The following ZNF804B variants were observed in gnomAD, a reference collection of about 807,000 sequenced individuals.
The protein encoded by ZNF804B is zinc finger 804B.
Under a neutral mutation model 101.4 loss-of-function variants are expected in ZNF804B, and 80 were observed. That is an observed-to-expected ratio of 0.79 (90% CI 0.66 to 0.95). The LOEUF (loss-of-function observed/expected upper bound fraction) is 0.95, where lower values mean the gene tolerates loss of function less well. Among genes scored for constraint, ZNF804B ranks in the 40% least tolerant of loss-of-function variants. The probability of loss-of-function intolerance (pLI) is 0.00; values close to 1 mark genes in which losing one functional copy is unlikely to be tolerated. For missense variants in ZNF804B, 1,673 were observed against 1,561.9 expected, an observed-to-expected ratio of 1.07 and a Z score of -1.20; for synonymous variants, 622 against 558.8, an observed-to-expected ratio of 1.11 and a Z score of -1.59.
chr7:89,303,626 G>T (rs1790516976), intron 2 of ZNF804B, among the ~76,000 whole-genome samples: 1 of 151,832 alleles, frequency 6.6e-6, no homozygotes. Context: ...CAGAGTTTGG[G>T]AAAAATTAAA....
At chr7:89,188,774 C>T (rs1788412650) in intron 1 of ZNF804B, among the ~76,000 whole-genome samples, 1 of 152,114 alleles carries the variant, frequency 6.6e-6, no homozygotes, top group African/African-American at 2.4e-5. Context: ...AGAGCAAGGC[C>T]TTAACTCTCT....
At chr7:89,128,141 G>T (rs957331579) in intron 1 of ZNF804B, among the ~76,000 whole-genome samples, 35 of 151,344 alleles carry the variant, frequency 2.3e-4, no homozygotes, top group African/African-American at 7.8e-4. Context: ...TGAATGTTTT[G>T]ATTTTTTTTA....
chr7:89,325,712 A>G (rs1790886410), intron 2 of ZNF804B, among the ~76,000 whole-genome samples: 1 of 152,004 alleles, frequency 6.6e-6, no homozygotes, highest in Admixed American at 6.6e-5. Flanking sequence ...TCTCTTTATT[A>G]TACAAGTTTT....
intron 1 of ZNF804B, among the ~76,000 whole-genome samples, chr7:89,006,328 G>T (rs1788368518): frequency 6.6e-6 from 1 of 151,600 alleles, no homozygotes; most frequent in South Asian, 2.1e-4. Flanking sequence ...TAACAATATC[G>T]TGCCTCTTAT....
At chr7:88,826,129 TG>T (rs1164847074) in intron 1 of ZNF804B, among the ~76,000 whole-genome samples, 1 of 152,152 alleles carries the variant, frequency 6.6e-6, no homozygotes, top group Admixed American at 6.5e-5. Context: ...TACTTAGAAG[TG>T]AATGATACAG....
At chr7:89,164,305 C>CT (rs1327252339) in intron 1 of ZNF804B, among the ~76,000 whole-genome samples, 1 of 151,980 alleles carries the variant, frequency 6.6e-6, no homozygotes, top group Non-Finnish European at 1.5e-5. Context: ...TAAACTCAGC[C>CT]AATTGTAGTT....
intron 1 of ZNF804B, among the ~76,000 whole-genome samples, chr7:89,037,639 G>T (rs1788949130): frequency 6.6e-6 from 1 of 151,636 alleles, no homozygotes; most frequent in Non-Finnish European, 1.5e-5. Context: ...GCCTCACACA[G>T]TTATCAGTTT....
intron 1 of ZNF804B, among the ~76,000 whole-genome samples, chr7:89,103,259 G>A (rs71557024): frequency 6.7e-6 from 1 of 149,686 alleles, no homozygotes; most frequent in South Asian, 2.1e-4. Context: ...CAAATTCTGA[G>A]AAAAATGATG....
At chr7:88,862,591 T>A (rs1791666048) in intron 1 of ZNF804B, among the ~76,000 whole-genome samples, 8 of 152,204 alleles carry the variant, frequency 5.3e-5, no homozygotes, top group Admixed American at 5.2e-4. Flanking sequence ...CTTTGTAGAT[T>A]ACTTGTAACA....
At chr7:88,910,686 C>CT (rs1792535723) in intron 1 of ZNF804B, among the ~76,000 whole-genome samples, 1 of 151,988 alleles carries the variant, frequency 6.6e-6, no homozygotes, top group Non-Finnish European at 1.5e-5. Flanking sequence ...GAGAATGTTT[C>CT]ATCTGCTCTC....
intron 1 of ZNF804B, among the ~76,000 whole-genome samples, chr7:88,767,915 A>G (rs1278255097): frequency 6.6e-6 from 1 of 152,162 alleles, no homozygotes; most frequent in Admixed American, 6.5e-5. Flanking sequence ...ATTCTTACAG[A>G]CTTAACTAAG....
chr7:88,773,399 G>GTCAT (rs3033159), intron 1 of ZNF804B, among the ~76,000 whole-genome samples: 74,222 of 151,484 alleles, frequency 0.49, 21,503 homozygotes, highest in East Asian at 0.79. Flanking sequence ...GGGAGTCCAA[G>GTCAT]TCATTCATTC....
intron 1 of ZNF804B, among the ~76,000 whole-genome samples, chr7:88,841,295 C>A (rs1348298924): frequency 6.6e-6 from 1 of 152,136 alleles, no homozygotes; most frequent in East Asian, 1.9e-4. Context: ...CCAGAAAGAC[C>A]AACAATGTGA....
At chr7:89,234,733 G>T (rs1352288740) in intron 2 of ZNF804B, among the ~76,000 whole-genome samples, 1 of 152,076 alleles carries the variant, frequency 6.6e-6, no homozygotes, top group Non-Finnish European at 1.5e-5. Context: ...TTGGACATCA[G>T]ACTCCAGGTT....
intron 1 of ZNF804B, among the ~76,000 whole-genome samples, chr7:89,131,791 T>G (rs1277657742): frequency 6.6e-6 from 1 of 152,020 alleles, no homozygotes; most frequent in Non-Finnish European, 1.5e-5. Context: ...CTGTCATAAC[T>G]CCTCATTCTC....
chr7:88,862,958 A>G (rs1266734492), intron 1 of ZNF804B, among the ~76,000 whole-genome samples: 1 of 152,108 alleles, frequency 6.6e-6, no homozygotes, highest in East Asian at 1.9e-4. Flanking sequence ...TTAAAGTAAA[A>G]TTTTTGAATG....
intron 1 of ZNF804B, among the ~76,000 whole-genome samples, chr7:88,883,633 A>G (rs1792076295): frequency 6.6e-6 from 1 of 152,138 alleles, no homozygotes; most frequent in Non-Finnish European, 1.5e-5. Flanking sequence ...GCACAGACAC[A>G]AATCAAATCA....
At chr7:89,202,252 A>T (rs1391966491) in intron 1 of ZNF804B, among the ~76,000 whole-genome samples, 1 of 152,100 alleles carries the variant, frequency 6.6e-6, no homozygotes, top group Non-Finnish European at 1.5e-5. Flanking sequence ...TTTTCCTTTC[A>T]TGTTAGACAT....
intron 1 of ZNF804B, among the ~76,000 whole-genome samples, chr7:89,091,597 T>C (rs963374066): frequency 6.6e-6 from 1 of 152,102 alleles, no homozygotes; most frequent in Admixed American, 6.6e-5. Context: ...TAAACAAGCA[T>C]TTGATTCCTG....
Sources: allele counts gnomAD v4.1 joint callset (sites outside exome capture counted in the v4.1 genomes callset), GRCh38; gene constraint gnomAD v4.1.1; transcripts MANE v1.5; gene names NCBI Gene and HGNC (gene_info 2026-07-23, HGNC 2026-07-21).